The following CSRNP3 variants were observed in gnomAD, a reference collection of about 807,000 sequenced individuals.
CSRNP3 encodes the protein cysteine and serine rich nuclear protein 3, also known as cysteine/serine-rich nuclear protein 3.
A neutral mutation model predicts 48.0 loss-of-function variants in CSRNP3; 12 were observed. That is an observed-to-expected ratio of 0.25 (90% CI 0.16 to 0.41). CSRNP3 has a LOEUF of 0.41. Ranked by LOEUF, CSRNP3 falls within the 10% of genes least tolerant of loss-of-function variation. The pLI, the probability that CSRNP3 is intolerant of heterozygous loss-of-function variation, is 1.00. For missense variants in CSRNP3, 580 were observed against 724.4 expected (o/e 0.80, Z 2.29); for synonymous variants, 263 against 269.7 (o/e 0.98, Z 0.24).
chr2:165,520,713 T>C (rs962503207), intron 3 of CSRNP3, among the ~76,000 whole-genome samples: 2 of 99,096 alleles, frequency 2.0e-5, no homozygotes, highest in African/African-American at 7.5e-5. Flanking sequence ...TATCTATCTG[T>C]CTATCTATAT....
chr2:165,666,005 GAGAGGAAGAAAGAAA>G, intron 5 of CSRNP3, among the ~76,000 whole-genome samples: 1 of 141,328 alleles, frequency 7.1e-6, no homozygotes, highest in Non-Finnish European at 1.5e-5. Flanking sequence ...AGGAAGGATA[GAGAGGAAGAAAGAAA>G]GAGAGAGAGA....
chr2:165,493,903 C>T (rs1205881217), intron 1 of CSRNP3, among the ~76,000 whole-genome samples: 1 of 152,006 alleles, frequency 6.6e-6, no homozygotes, highest in Non-Finnish European at 1.5e-5. Context: ...GGTTACCTAC[C>T]AGTGTAGGAA....
At chr2:165,580,412 T>A (rs1685524465) in intron 3 of CSRNP3, among the ~76,000 whole-genome samples, 1 of 152,214 alleles carries the variant, frequency 6.6e-6, no homozygotes, top group Admixed American at 6.5e-5. Flanking sequence ...TTGTTGCCTG[T>A]CCCTGCCTTA....
chr2:165,592,801 C>CTTTTT lies in CSRNP3; in HGVS notation c.-23-2242_-23-2241insTTTTT, dbSNP rs374516256. On this transcript the variant is annotated intron_variant, in intron 3 of 6. Transcript: ENST00000651982. ...ACTGTGAGTCAATTAAACCTCTTTT[C>CTTTTT]ATTTTTTTTTTTTTTTTTGAGACGG... Among the ~76,000 whole-genome samples the CTTTTT allele has an allele frequency of 8.2e-5, 11 of 133,444 alleles. 4 individuals carry two copies. Among genetic ancestry groups the CTTTTT allele is most frequent in the Non-Finnish European group, 7.9e-5 (5 of 63,128 alleles). 87.5% of individuals were successfully genotyped at this position (133,444 alleles called of 152,430 possible).
chr2:165,537,258 A>G (rs775710160), intron 3 of CSRNP3, among the ~76,000 whole-genome samples: 3 of 151,232 alleles, frequency 2.0e-5, no homozygotes, highest in Non-Finnish European at 4.4e-5. Context: ...GGAAGGGTGA[A>G]AGAAGCTACT....
chr2:165,628,897 C>T (rs1235206351), intron 4 of CSRNP3, among the ~76,000 whole-genome samples: 1 of 152,126 alleles, frequency 6.6e-6, no homozygotes. Flanking sequence ...GAGATCCCAT[C>T]TCTATTAAAT....
chr2:165,635,030 C>A (rs1018793762), intron 4 of CSRNP3, among the ~76,000 whole-genome samples: 25 of 152,204 alleles, frequency 1.6e-4, no homozygotes, highest in African/African-American at 5.8e-4. Flanking sequence ...ACTTACACTG[C>A]AGCTGGGGAG....
chr2:165,536,961 C>A (rs1348518585), intron 3 of CSRNP3, among the ~76,000 whole-genome samples: 1 of 151,678 alleles, frequency 6.6e-6, no homozygotes, highest in East Asian at 1.9e-4. Flanking sequence ...CCGTATGTAT[C>A]CTGTGTATGG....
intron 4 of CSRNP3, among the ~76,000 whole-genome samples, chr2:165,657,122 C>T (rs1687017419): frequency 6.6e-6 from 1 of 152,142 alleles, no homozygotes; most frequent in Admixed American, 6.5e-5. Context: ...TTCTCTTTGT[C>T]CAGCACATCA....
intron 3 of CSRNP3, among the ~76,000 whole-genome samples, chr2:165,537,199 A>G (rs186622710): frequency 3.6e-4 from 54 of 151,622 alleles, no homozygotes; most frequent in African/African-American, 1.2e-3. Context: ...ACTGTTACTG[A>G]CACATTCAAC....
At chr2:165,612,464 C>T (rs1686154835) in intron 4 of CSRNP3, among the ~76,000 whole-genome samples, 1 of 151,948 alleles carries the variant, frequency 6.6e-6, no homozygotes, top group Non-Finnish European at 1.5e-5. Context: ...AAAATATACA[C>T]TAAATTATTG....
chr2:165,495,731 T>G (rs185397501), intron 2 of CSRNP3, among the ~76,000 whole-genome samples: 1 of 152,150 alleles, frequency 6.6e-6, no homozygotes, highest in East Asian at 1.9e-4. Context: ...CACCCACCCC[T>G]CATGAGATGA....
rs112029281 is a variant in CSRNP3 at position 165,594,743 on chromosome 2, T to C, written c.-23-300T>C. 1.1e-3 allele frequency among the ~76,000 whole-genome samples: 173 copies of C among 152,342 alleles called. 2 individuals carry two copies. The highest frequency in any genetic ancestry group is 4.0e-3 in the African/African-American group (165 of 41,582). ...CATTATTTTTCTTTACAGATTTTCT[T>C]GGACTCAGGTGGATTTTCTCAATTT... On this transcript the variant is annotated intron_variant, in intron 3 of 6. Coordinates refer to ENST00000651982, the MANE Select transcript of CSRNP3 (RefSeq NM_001172173.2).
chr2:165,591,260 A>T (rs1398242045), intron 3 of CSRNP3, among the ~76,000 whole-genome samples: 1 of 152,212 alleles, frequency 6.6e-6, no homozygotes, highest in African/African-American at 2.4e-5. Context: ...GATCTGTGGA[A>T]CTTTGAACTT....
At chr2:165,506,601 G>T (rs963153126) in intron 2 of CSRNP3, among the ~76,000 whole-genome samples, 16 of 151,948 alleles carry the variant, frequency 1.1e-4, no homozygotes, top group African/African-American at 3.9e-4. Flanking sequence ...TCTTCCTTTG[G>T]GCCTCCAGTC....
intron 1 of CSRNP3, among the ~76,000 whole-genome samples, chr2:165,483,615 C>T (rs1190086987): frequency 6.6e-6 from 1 of 152,134 alleles, no homozygotes; most frequent in African/African-American, 2.4e-5. Context: ...AACAAAATAT[C>T]ATAGACTGGG....
intron 5 of CSRNP3, among the ~76,000 whole-genome samples, chr2:165,668,879 G>A (rs1188574736): frequency 6.6e-6 from 1 of 152,134 alleles, no homozygotes; most frequent in African/African-American, 2.4e-5. Context: ...GGTCTTGAAA[G>A]CATGGCTCAA....
chr2:165,496,786 G>T (rs115680552), intron 2 of CSRNP3, among the ~76,000 whole-genome samples: 2,394 of 151,774 alleles, frequency 0.016, 58 homozygotes, highest in African/African-American at 0.054. Flanking sequence ...CCGTGATTTT[G>T]TTTTTTTAAA....
intron 4 of CSRNP3, among the ~76,000 whole-genome samples, chr2:165,656,209 A>G (rs1250256975): frequency 6.6e-6 from 1 of 152,220 alleles, no homozygotes; most frequent in Admixed American, 6.5e-5. Flanking sequence ...GTCTACATCA[A>G]AAAAAGTCAC....
Sources: gnomAD v4.1 joint callset for allele counts (sites outside exome capture counted in the v4.1 genomes callset) on GRCh38, gnomAD v4.1.1 for gene constraint, MANE v1.5 for transcripts, NCBI Gene and HGNC (gene_info 2026-07-23, HGNC 2026-07-21) for gene names.